The following NNMT variants were observed in gnomAD, a reference collection of about 807,000 sequenced individuals.
NNMT encodes the protein nicotinamide N-methyltransferase.
Under a neutral mutation model 11.7 loss-of-function variants are expected in NNMT, and 10 were observed. The ratio of observed to expected loss-of-function variants is 0.85; its 90% CI spans 0.53 to 1.45. The LOEUF is 1.45. NNMT is among the 40% of genes most tolerant of loss of function. The pLI is 0.00. For missense variants in NNMT, 381 were observed against 319.4 expected, an observed-to-expected ratio of 1.19 and a Z score of -1.47; for synonymous variants, 143 against 133.8, an observed-to-expected ratio of 1.07 and a Z score of -0.48.
At chr11:114,308,220 T>G (rs998897775) in intron 2 of NNMT, among the ~76,000 whole-genome samples, 4 of 152,208 alleles carry the variant, frequency 2.6e-5, no homozygotes, top group Non-Finnish European at 4.4e-5. Context: ...CACTAATGAT[T>G]GTTCCTTGCC....
At chr11:114,305,135 T>C (rs1945477433) in intron 2 of NNMT, among the ~76,000 whole-genome samples, 1 of 152,198 alleles carries the variant, frequency 6.6e-6, no homozygotes, top group African/African-American at 2.4e-5. Flanking sequence ...ACCTTCACTG[T>C]AAGATCTGCT....
chr11:114,274,976 A>G (rs1455639258), intron 2 of NNMT, among the ~76,000 whole-genome samples: 1 of 152,178 alleles, frequency 6.6e-6, no homozygotes, highest in Non-Finnish European at 1.5e-5. Context: ...ATTAAGACCA[A>G]TCTAACTTTG....
At chr11:114,258,854 G>A (rs1223695624) in intron 1 of NNMT, among the ~76,000 whole-genome samples, 3 of 152,148 alleles carry the variant, frequency 2.0e-5, no homozygotes, top group African/African-American at 4.8e-5. Flanking sequence ...GGGCCACACC[G>A]AGCTCCATTC....
intron 2 of NNMT, among the ~76,000 whole-genome samples, chr11:114,273,767 G>A (rs12287859): frequency 6.6e-6 from 1 of 152,156 alleles, no homozygotes; most frequent in Non-Finnish European, 1.5e-5. Flanking sequence ...TTGAGCTCAG[G>A]AGTCGGAGGT....
chr11:114,278,020 T>C (rs975897592), intron 2 of NNMT, among the ~76,000 whole-genome samples: 15 of 152,300 alleles, frequency 9.8e-5, no homozygotes, highest in South Asian at 8.3e-4. Flanking sequence ...AGAAGAAATA[T>C]GTTGGCTGCT....
chr11:114,301,610 G>A (rs897299080), intron 2 of NNMT, among the ~76,000 whole-genome samples: 4 of 152,032 alleles, frequency 2.6e-5, no homozygotes, highest in African/African-American at 9.7e-5. Context: ...GCTAGGGGTC[G>A]GGGAGGGAGA....
chr11:114,310,491 T>C (rs1461734750), intron 2 of NNMT, among the ~76,000 whole-genome samples: 1 of 152,278 alleles, frequency 6.6e-6, no homozygotes, highest in East Asian at 1.9e-4. Flanking sequence ...AAGATGCCCA[T>C]GACTAGTGTC....
rs370771671 is a variant in NNMT at position 114,265,806 on chromosome 11, G to T, written c.-130+2872G>T. Among the ~76,000 whole-genome samples the T allele has an allele frequency of 5.9e-5, 9 of 152,188 alleles. 1 individual carries two copies. In the East Asian group the frequency reaches 9.7e-4, roughly 16 times the overall value. On this transcript the variant is annotated intron_variant, in intron 2 of 4. Transcript: ENST00000535401. ...CAGTAACCCATTAACCATGATTAAA[G>T]TTCTTTCCTCAACTTAGTTGTCCAA...
upstream of NNMT, among the ~76,000 whole-genome samples, chr11:114,291,584 T>C (rs1945335519): frequency 6.6e-6 from 1 of 152,184 alleles, no homozygotes; most frequent in African/African-American, 2.4e-5. Flanking sequence ...GATGGTTGTC[T>C]GCATGCAGCT....
chr11:114,268,688 G>A (rs1385333540), intron 2 of NNMT, among the ~76,000 whole-genome samples: 3 of 145,302 alleles, frequency 2.1e-5, no homozygotes, highest in African/African-American at 7.7e-5. Context: ...AGAATGGCGT[G>A]AACCTGGGAG....
At chr11:114,279,091 T>C (rs1945238736) in intron 2 of NNMT, among the ~76,000 whole-genome samples, 2 of 152,182 alleles carry the variant, frequency 1.3e-5, no homozygotes, top group East Asian at 3.9e-4. Flanking sequence ...AACATTCACA[T>C]TGGGAGACTA....
At chr11:114,271,573 AT>A (rs1223736088) in intron 2 of NNMT, among the ~76,000 whole-genome samples, 1 of 152,084 alleles carries the variant, frequency 6.6e-6, no homozygotes, top group Non-Finnish European at 1.5e-5. Context: ...GTTAGATTCA[AT>A]TTTTTAGCCT....
chr11:114,277,789 T>TA (rs543835398), intron 2 of NNMT, among the ~76,000 whole-genome samples: 3 of 152,068 alleles, frequency 2.0e-5, no homozygotes, highest in Non-Finnish European at 4.4e-5. Flanking sequence ...GGTGGGCAGG[T>TA]AAGTGATCGA....
chr11:114,273,477 G>A (rs369051333), intron 2 of NNMT, among the ~76,000 whole-genome samples: 1 of 152,174 alleles, frequency 6.6e-6, no homozygotes, highest in African/African-American at 2.4e-5. Flanking sequence ...AGTTCTGTGC[G>A]CAGACCCTAT....
chr11:114,298,865 G>A (rs551339794), intron 2 of NNMT, among the ~76,000 whole-genome samples: 5 of 152,206 alleles, frequency 3.3e-5, no homozygotes, highest in African/African-American at 1.2e-4. Flanking sequence ...TTAGCCAGAG[G>A]TAGCCACGCC....
At chr11:114,260,379 T>G (rs183255516) in intron 1 of NNMT, among the ~76,000 whole-genome samples, 319 of 152,372 alleles carry the variant, frequency 2.1e-3, no homozygotes, top group Non-Finnish European at 3.6e-3. Context: ...TTTTTTGCTC[T>G]CAGCTTTTCT....
chr11:114,263,392 C>A (rs1945098300), intron 2 of NNMT, among the ~76,000 whole-genome samples: 2 of 152,226 alleles, frequency 1.3e-5, no homozygotes, highest in Non-Finnish European at 2.9e-5. Context: ...CTTCACCAGA[C>A]ACTCCCTTCT....
chr11:114,267,694 G>A (rs1252869739), intron 2 of NNMT, among the ~76,000 whole-genome samples: 3 of 151,846 alleles, frequency 2.0e-5, no homozygotes, highest in Non-Finnish European at 2.9e-5. Flanking sequence ...TCTGTCTTTC[G>A]TTTCTTTTTC....
chr11:114,258,471 C>T (rs1459869985), intron 1 of NNMT, among the ~76,000 whole-genome samples: 1 of 152,248 alleles, frequency 6.6e-6, no homozygotes, highest in Non-Finnish European at 1.5e-5. Flanking sequence ...CCTCCCTCCA[C>T]TCAGCACGGC....
Sources: gnomAD v4.1 joint callset for allele counts (sites outside exome capture counted in the v4.1 genomes callset) on GRCh38, gnomAD v4.1.1 for gene constraint, MANE v1.5 for transcripts, NCBI Gene and HGNC (gene_info 2026-07-23, HGNC 2026-07-21) for gene names.